DLC1: variants seen among roughly 807,000 people sequenced by gnomAD.
The protein encoded by DLC1 is rho GTPase-activating protein 7.
Under a neutral mutation model 140.3 loss-of-function variants are expected in DLC1, and 54 were observed. The observed-to-expected ratio is 0.38, with a 90% CI of 0.31 to 0.48. DLC1 has a LOEUF of 0.48. Among genes scored for constraint, DLC1 ranks in the 20% least tolerant of loss-of-function variants. The pLI, the probability that DLC1 is intolerant of heterozygous loss-of-function variation, is 0.96. For synonymous variants in DLC1, 986 were observed against 728.1 expected (o/e 1.35, Z -5.70); for missense variants, 2,536 against 1,907.0 (o/e 1.33, Z -6.14).
At chr8:13,345,542 T>C (rs1834289310) in intron 4 of DLC1, among the ~76,000 whole-genome samples, 1 of 123,426 alleles carries the variant, frequency 8.1e-6, no homozygotes, top group African/African-American at 3.1e-5. Context: ...AATTTTTCAC[T>C]CACACTTTTT....
chr8:13,535,167 A>G (rs908839447), intron 1 of DLC1, among the ~76,000 whole-genome samples: 3 of 152,204 alleles, frequency 2.0e-5, no homozygotes, highest in Admixed American at 6.5e-5. Flanking sequence ...AAACATATAT[A>G]CTAATTAAGA....
chr8:13,590,488 G>T (rs555325735), intron 1 of DLC1, among the ~76,000 whole-genome samples: 2 of 152,148 alleles, frequency 1.3e-5, no homozygotes, highest in African/African-American at 4.8e-5. Context: ...TGGATATCCA[G>T]TTCTGAGCAT....
chr8:13,323,110 G>C (rs1219406266), intron 4 of DLC1, among the ~76,000 whole-genome samples: 1 of 152,192 alleles, frequency 6.6e-6, no homozygotes, highest in Non-Finnish European at 1.5e-5. Context: ...GGCTCAGCTA[G>C]ATCCACTCAA....
intron 5 of DLC1, among the ~76,000 whole-genome samples, chr8:13,209,791 C>A (rs1188307): frequency 0.035 from 5,298 of 152,192 alleles, 310 homozygotes; most frequent in African/African-American, 0.12. Context: ...TCACCTTCTG[C>A]CATGATTGTA....
At chr8:13,427,490 A>G (rs562674655) in intron 2 of DLC1, among the ~76,000 whole-genome samples, 24 of 152,322 alleles carry the variant, frequency 1.6e-4, no homozygotes, top group African/African-American at 5.1e-4. Context: ...ACATAGATGA[A>G]GATTTAAAAG....
chr8:13,237,675 A>G (rs1214551260), intron 5 of DLC1, among the ~76,000 whole-genome samples: 2 of 151,976 alleles, frequency 1.3e-5, no homozygotes, highest in African/African-American at 4.8e-5. Flanking sequence ...CTACATCCTC[A>G]TAGCTTAGCT....
intron 5 of DLC1, among the ~76,000 whole-genome samples, chr8:13,207,072 A>T (rs556732855): frequency 3.8e-4 from 58 of 152,320 alleles, no homozygotes; most frequent in Non-Finnish European, 6.6e-4. Context: ...TATTTTGGAA[A>T]TGTGTATATT....
At chr8:13,453,458 A>G (rs868475559) in intron 2 of DLC1, among the ~76,000 whole-genome samples, 68 of 26,780 alleles carry the variant, frequency 2.5e-3, no homozygotes, top group Non-Finnish European at 3.0e-3. Flanking sequence ...ACATATATAT[A>G]TGTATATATA....
At chr8:13,399,249 TG>T (rs1837190332) in intron 3 of DLC1, among the ~76,000 whole-genome samples, 1 of 152,360 alleles carries the variant, frequency 6.6e-6, no homozygotes, top group South Asian at 2.1e-4. Flanking sequence ...CAGGGAATTC[TG>T]GTTCTGGAAG....
intron 2 of DLC1, among the ~76,000 whole-genome samples, chr8:13,410,963 GTT>G (rs1371301289): frequency 2.0e-5 from 3 of 152,166 alleles, no homozygotes; most frequent in African/African-American, 7.2e-5. Context: ...ACCCTCATGG[GTT>G]TTATGGGTTT....
intron 4 of DLC1, among the ~76,000 whole-genome samples, chr8:13,367,719 CT>C (rs1397293988): frequency 1.3e-5 from 2 of 152,138 alleles, no homozygotes; most frequent in Non-Finnish European, 2.9e-5. Context: ...GTTTATTCTT[CT>C]CTTTTGTGTT....
At chr8:13,408,189 G>A (rs554312264) in intron 2 of DLC1, among the ~76,000 whole-genome samples, 16 of 152,176 alleles carry the variant, frequency 1.1e-4, no homozygotes, top group African/African-American at 3.6e-4. Flanking sequence ...GATATATTCC[G>A]TTCAACTCCA....
At chr8:13,129,326 C>T (rs1462779802) in intron 5 of DLC1, among the ~76,000 whole-genome samples, 1 of 152,188 alleles carries the variant, frequency 6.6e-6, no homozygotes, top group Non-Finnish European at 1.5e-5. Flanking sequence ...AAGCATGTTC[C>T]TTCTAATTTC....
At chr8:13,139,519 C>G (rs1359465191) in intron 5 of DLC1, among the ~76,000 whole-genome samples, 1 of 152,128 alleles carries the variant, frequency 6.6e-6, no homozygotes, top group Non-Finnish European at 1.5e-5. Context: ...TTGGTGGAGA[C>G]AGCTCTGTTA....
At chr8:13,268,090 T>A (rs1168845134) in intron 5 of DLC1, among the ~76,000 whole-genome samples, 1 of 152,208 alleles carries the variant, frequency 6.6e-6, no homozygotes, top group South Asian at 2.1e-4. Context: ...ATTTAAAGTA[T>A]AACTTCCAAT....
intron 7 of DLC1, among the ~76,000 whole-genome samples, chr8:13,106,083 G>C (rs1819539766): frequency 6.6e-6 from 1 of 152,138 alleles, no homozygotes; most frequent in Non-Finnish European, 1.5e-5. Flanking sequence ...CTTCTACCCT[G>C]CTCTGAAGAG....
In DLC1 at chr8:13,100,573, G is replaced by A. The variant is rs773091081; in HGVS notation, c.1764C>T (p.Arg588=). The stretch of plus-strand genomic sequence containing the variant: ...GGCTGCGGACGGAAGACACCTCCTG[G>A]CGCTCGCTGAGGTCCATCAGCGTGC... ...PGGTLMDLSE[R]QEVSSVRSLS... The change falls in exon 9 of 18, where the codon CGC becomes CGT. Residue 588 remains arginine (R), a synonymous_variant. Transcript: ENST00000276297. 4 of 1,613,630 alleles carry A rather than the reference G, an allele frequency of 2.5e-6. No individual in the cohort carries two copies. The highest frequency in any genetic ancestry group is 1.3e-5 in the African/African-American group (1 of 75,050).
At chr8:13,564,266 A>G (rs759551433) in intron 1 of DLC1, among the ~76,000 whole-genome samples, 1 of 152,200 alleles carries the variant, frequency 6.6e-6, no homozygotes, top group East Asian at 1.9e-4. Flanking sequence ...CAAGTACTGA[A>G]CCACAAAAAA....
intron 5 of DLC1, among the ~76,000 whole-genome samples, chr8:13,130,616 C>T (rs998852017): frequency 1.3e-5 from 2 of 152,164 alleles, no homozygotes. Flanking sequence ...TGAAACACTG[C>T]CTTCATAGTT....
Sources: allele counts gnomAD v4.1 joint callset (sites outside exome capture counted in the v4.1 genomes callset), GRCh38; gene constraint gnomAD v4.1.1; transcripts MANE v1.5; gene names NCBI Gene and HGNC (gene_info 2026-07-23, HGNC 2026-07-21).